Variants in TRIO observed in about 807,000 individuals in gnomAD.
TRIO encodes trio Rho guanine nucleotide exchange factor, also known as triple functional domain protein.
In TRIO, 58 loss-of-function variants were observed where a neutral mutation model predicts 351.9. The observed-to-expected ratio is 0.16, with a 90% CI of 0.13 to 0.21. The LOEUF (loss-of-function observed/expected upper bound fraction) is 0.21. Ranked by LOEUF, TRIO falls within the 10% of genes least tolerant of loss-of-function variation. The pLI, the probability that TRIO is intolerant of heterozygous loss-of-function variation, is 1.00. For missense variants in TRIO, 3,201 were observed against 4,027.8 expected, an observed-to-expected ratio of 0.79 and a Z score of 5.56; for synonymous variants, 1,758 against 1,595.7, an observed-to-expected ratio of 1.10 and a Z score of -2.42.
chr5:14,293,257 T>G (rs1316192487), intron 6 of TRIO, 123 bp downstream of exon 6: 1 of 1,361,870 alleles, frequency 7.3e-7, no homozygotes, highest in Non-Finnish European at 1.0e-6. Flanking sequence ...TTGTAGCAGC[T>G]GACCTTCACA....
chr5:14,464,205 T>C (rs1579732797), intron 36 of TRIO, among the ~76,000 whole-genome samples: 1 of 152,306 alleles, frequency 6.6e-6, no homozygotes, highest in South Asian at 2.1e-4. Flanking sequence ...TATTTTGTAA[T>C]ACGCTAAGCC....
intron 18 of TRIO, among the ~76,000 whole-genome samples, chr5:14,372,683 CT>C (rs989627383): frequency 2.0e-5 from 3 of 151,898 alleles, no homozygotes; most frequent in East Asian, 1.9e-4. Flanking sequence ...CTACATATGA[CT>C]TTTTTTTAGT....
In TRIO at chr5:14,401,034, A is replaced by G. The variant is rs1748029237; in HGVS notation, c.4686A>G (p.Thr1562=). The G allele has an allele frequency of 6.2e-7, 1 of 1,614,162 alleles. No individual in the cohort carries two copies. The highest frequency in any genetic ancestry group is 1.3e-5 in the African/African-American group (1 of 75,060). The change falls in exon 31 of 57, where the codon ACA becomes ACG. Residue 1562 remains threonine, a synonymous_variant. Coordinates refer to ENST00000344204, the MANE Select transcript of TRIO (RefSeq NM_007118.4). The part of the protein sequence containing the change: ...PCKFALWVGR[T]PTSDNKIVLK... ...AATTTGCACTGTGGGTGGGGAGAAC[A>G]CCAACTTCAGATAATAAAATTGTCC...
Position 14,291,239 on chromosome 5 carries a change from G to T in TRIO, c.1053+11G>T. 6.2e-7 allele frequency: 1 copy of T among 1,607,122 alleles called. No individual in the cohort carries two copies. Among genetic ancestry groups the T allele is most frequent in the Non-Finnish European group, 8.5e-7 (1 of 1,175,768 alleles). Reference sequence around the variant, plus strand: ...CAGGATGCTGAGAAGGTAAAGACGGGGGAGGCTAATGCCTCAGTGGACATG... The same window carrying T: ...CAGGATGCTGAGAAGGTAAAGACGGTGGAGGCTAATGCCTCAGTGGACATG... On this transcript the variant is annotated intron_variant, in intron 5 of 56. Coordinates refer to ENST00000344204, the MANE Select transcript of TRIO (RefSeq NM_007118.4).
intron 11 of TRIO, among the ~76,000 whole-genome samples, chr5:14,352,009 A>T (rs1454594595): frequency 2.6e-5 from 4 of 151,886 alleles, no homozygotes; most frequent in African/African-American, 9.7e-5. Flanking sequence ...TTTCAAGGGG[A>T]TTTCTTCCAG....
At chr5:14,155,281 C>A (rs1788040950) in intron 1 of TRIO, among the ~76,000 whole-genome samples, 2 of 152,192 alleles carry the variant, frequency 1.3e-5, no homozygotes, top group Non-Finnish European at 2.9e-5. Flanking sequence ...GTTTCTGAAC[C>A]ATTTGAGAGT....
At position 14,487,626 on chromosome 5, in the gene TRIO, C is replaced by T. The variant is rs767873945; in HGVS notation, c.6998C>T (p.Thr2333Met). 49 of 1,214,674 alleles carry T rather than the reference C, an allele frequency of 4.0e-5. No homozygotes were observed. Among genetic ancestry groups the T allele is most frequent in the Non-Finnish European group, 5.0e-5 (48 of 965,794 alleles). 75.2% of individuals were successfully genotyped at this position (1,214,674 alleles called of 1,614,324 possible). A position where few individuals can be genotyped will look rare whatever the true frequency, so the allele number is the denominator to read the frequency against. ...GPSSCGGAPSTSRSRPSRIPQ... is the reference protein window; with the variant it reads ...GPSSCGGAPSMSRSRPSRIPQ... ...AGCAGCTGCGGCGGCGCCCCCAGCA[C>T]GAGCAGGAGCCGGCCCTCCCGGATC... The change falls in exon 48 of 57, where the codon ACG becomes ATG. Residue 2333 changes from threonine (T) to methionine (M), a missense_variant. Around this residue, in one of 19 missense-constraint regions of TRIO, gnomAD observed 1,089 missense variants for 954.9 expected, o/e 1.14. Transcript: ENST00000344204.
intron 1 of TRIO, among the ~76,000 whole-genome samples, chr5:14,158,970 C>T (rs916754589): frequency 7.9e-5 from 12 of 152,188 alleles, no homozygotes; most frequent in Non-Finnish European, 1.5e-5. Context: ...ACAAAGTAGG[C>T]AGTGATAACA....
chr5:14,400,111 G>A (rs971211715), intron 30 of TRIO, among the ~76,000 whole-genome samples: 1 of 152,110 alleles, frequency 6.6e-6, no homozygotes, highest in African/African-American at 2.4e-5. Flanking sequence ...TTTGGCTTGT[G>A]TTCTGTTTGA....
At position 14,330,908 on chromosome 5, in the gene TRIO, A is replaced by C. The variant is rs758749309; in HGVS notation, c.1854+8A>C. On this transcript the variant is annotated splice_region_variant and intron_variant, in intron 10 of 56. Transcript: ENST00000344204. ...TTTGAAGAAGTGGCACAGGTAAAACAATGGCTTCTATTATTTTATCCCATA... is the reference window on the plus strand; with the variant it reads ...TTTGAAGAAGTGGCACAGGTAAAACCATGGCTTCTATTATTTTATCCCATA... 1 of 1,613,680 alleles carries C rather than the reference A, an allele frequency of 6.2e-7. No homozygotes were observed. Among genetic ancestry groups the C allele is most frequent in the Non-Finnish European group, 8.5e-7 (1 of 1,179,756 alleles).
intron 1 of TRIO, among the ~76,000 whole-genome samples, chr5:14,218,405 C>T (rs1009461936): frequency 6.6e-5 from 10 of 152,256 alleles, no homozygotes; most frequent in African/African-American, 2.4e-4. Context: ...ATGTTTATGT[C>T]ATTTAATTTG....
rs527754068 is a variant in TRIO at position 14,455,070 on chromosome 5, G to A, written c.5204-5949G>A. Among the ~76,000 whole-genome samples, 20 of 152,230 alleles carry A rather than the reference G, an allele frequency of 1.3e-4. No individual in the cohort carries two copies. The South Asian group carries it at 1.7e-3, about 13-fold the overall frequency. On this transcript the variant is annotated intron_variant, in intron 34 of 56. Transcript: ENST00000344204. ...CTCAGGAGTGAAGCTGCAGACCTTC[G>A]CGGTGAGTGTTATAGCTCATAAAGG...
chr5:14,363,778 T>C lies in TRIO; in HGVS notation c.2438T>C (p.Met813Thr). ...TGGAATGATGAGCTTTCTCAGCAAATGAATGACTTCGACACAGAAGATCTC... is the reference window on the plus strand; with the variant it reads ...TGGAATGATGAGCTTTCTCAGCAAACGAATGACTTCGACACAGAAGATCTC... ...ESWNDELSQQ[M>T]NDFDTEDLTI... Residue 813 changes from methionine to threonine, a missense_variant, in exon 14 of 57, where the codon ATG becomes ACG. By Grantham distance (81) the Met-to-Thr change is moderately conservative. Coordinates refer to ENST00000344204, the MANE Select transcript of TRIO (RefSeq NM_007118.4). 1 of 1,614,182 alleles carries C rather than the reference T, an allele frequency of 6.2e-7. No individual in the cohort carries two copies. The highest frequency in any genetic ancestry group is 2.2e-5 in the East Asian group (1 of 44,888).
intron 1 of TRIO, among the ~76,000 whole-genome samples, chr5:14,191,776 G>A (rs1022527072): frequency 6.6e-6 from 1 of 152,178 alleles, no homozygotes; most frequent in African/African-American, 2.4e-5. Flanking sequence ...TCGCAGACTG[G>A]AAAAGATAAT....
chr5:14,203,170 T>C (rs1458942702), intron 1 of TRIO, among the ~76,000 whole-genome samples: 2 of 152,242 alleles, frequency 1.3e-5, no homozygotes, highest in African/African-American at 2.4e-5. Flanking sequence ...TTTCCCAAAC[T>C]GTAATCTGTT....
At chr5:14,258,907 G>A (rs986040372) in intron 1 of TRIO, among the ~76,000 whole-genome samples, 15 of 152,238 alleles carry the variant, frequency 9.9e-5, no homozygotes, top group African/African-American at 2.7e-4. Context: ...GAGGGCTGCA[G>A]TCCTGCTGGG....
At chr5:14,234,161 A>G (rs775371598) in intron 1 of TRIO, among the ~76,000 whole-genome samples, 4 of 152,196 alleles carry the variant, frequency 2.6e-5, no homozygotes, top group African/African-American at 7.2e-5. Flanking sequence ...ATTATTGCCA[A>G]TGAGGTTCCT....
chr5:14,178,844 G>A (rs150936865), intron 1 of TRIO, among the ~76,000 whole-genome samples: 1 of 152,234 alleles, frequency 6.6e-6, no homozygotes, highest in East Asian at 1.9e-4. Flanking sequence ...TGTCAGTGGT[G>A]GTCTGTTTGA....
chr5:14,290,598 T>C (rs766542060), intron 4 of TRIO, 118 bp from the exon 5 acceptor site: 370 of 1,084,730 alleles, frequency 3.4e-4, no homozygotes, highest in Non-Finnish European at 4.6e-4. Context: ...TATGTTATGT[T>C]TTCTATAAAT....
Sources: gnomAD v4.1 joint callset for allele counts (sites outside exome capture counted in the v4.1 genomes callset) on GRCh38, gnomAD v4.1.1 for gene constraint, gnomAD v4.1.1 regional missense constraint, MANE v1.5 for transcripts, NCBI Gene and HGNC (gene_info 2026-07-23, HGNC 2026-07-21) for gene names.